GDPD5: variants seen among roughly 807,000 people sequenced by gnomAD.
GDPD5 encodes glycerophosphodiester phosphodiesterase 2.
In GDPD5, 48 loss-of-function variants were observed where a neutral mutation model predicts 75.1. The ratio of observed to expected loss-of-function variants is 0.64; its 90% CI spans 0.51 to 0.81. GDPD5 has a LOEUF of 0.81. Among genes scored for constraint, GDPD5 ranks in the 40% least tolerant of loss-of-function variants. The pLI is 0.00. For missense variants in GDPD5, 706 were observed against 822.6 expected (o/e 0.86, Z 1.73); for synonymous variants, 336 against 339.0 (o/e 0.99, Z 0.10).
At chr11:75,487,148 C>A (rs1415189752) in intron 2 of GDPD5, among the ~76,000 whole-genome samples, 1 of 152,242 alleles carries the variant, frequency 6.6e-6, no homozygotes, top group African/African-American at 2.4e-5. Flanking sequence ...GCCCCAGCCT[C>A]CTGCAGGTAG....
At chr11:75,479,364 G>A (rs1436489196) in intron 2 of GDPD5, 5 of 152,204 alleles carry the variant, frequency 3.3e-5, no homozygotes, top group Admixed American at 1.3e-4. Flanking sequence ...ACCAGGCCCT[G>A]TCCGAGGCCC....
intron 1 of GDPD5, among the ~76,000 whole-genome samples, chr11:75,510,681 G>A (rs1950497263): frequency 6.7e-6 from 1 of 148,318 alleles, no homozygotes; most frequent in Non-Finnish European, 1.5e-5. Context: ...TCTTCGCAGA[G>A]CCTCACTTAA....
At chr11:75,511,705 G>A (rs1254173136) in intron 1 of GDPD5, among the ~76,000 whole-genome samples, 1 of 152,152 alleles carries the variant, frequency 6.6e-6, no homozygotes, top group Admixed American at 6.5e-5. Context: ...GAGGCAAAAA[G>A]TCCAACCTCA....
intron 6 of GDPD5, among the ~76,000 whole-genome samples, chr11:75,454,443 G>A (rs1163268208): frequency 6.6e-6 from 1 of 152,204 alleles, no homozygotes; most frequent in African/African-American, 2.4e-5. Flanking sequence ...GAGGCCATTT[G>A]GCAAGATCAA....
At chr11:75,523,203 A>G (rs1170245857) in intron 1 of GDPD5, among the ~76,000 whole-genome samples, 1 of 152,218 alleles carries the variant, frequency 6.6e-6, no homozygotes, top group Admixed American at 6.5e-5. Flanking sequence ...TTATAGGCTC[A>G]GAGGGATGAA....
chr11:75,499,393 CCTTTT>C (rs1437526368), intron 1 of GDPD5, among the ~76,000 whole-genome samples: 57 of 140,084 alleles, frequency 4.1e-4, no homozygotes, highest in Admixed American at 4.9e-4. Context: ...TTCTTCTTTT[CCTTTT>C]TTTTTTTTTT....
intron 4 of GDPD5, among the ~76,000 whole-genome samples, chr11:75,458,885 C>G (rs1317471792): frequency 6.6e-6 from 1 of 152,000 alleles, no homozygotes; most frequent in Non-Finnish European, 1.5e-5. Flanking sequence ...TGGGCTCAAG[C>G]AATCCTCCTA....
At chr11:75,494,819 G>C (rs1950181227) in intron 1 of GDPD5, among the ~76,000 whole-genome samples, 1 of 151,900 alleles carries the variant, frequency 6.6e-6, no homozygotes, top group Non-Finnish European at 1.5e-5. Flanking sequence ...GGGCGTGGTG[G>C]CATGCGCCTG....
intron 1 of GDPD5, chr11:75,506,824 A>G: frequency 6.6e-6 from 1 of 152,140 alleles, no homozygotes; most frequent in Non-Finnish European, 1.5e-5. Context: ...AAGATTTGGG[A>G]ACTGAAAGAG....
chr11:75,451,633 T>A (rs1949156257), intron 6 of GDPD5: 1 of 152,222 alleles, frequency 6.6e-6, no homozygotes, highest in Non-Finnish European at 1.5e-5. Context: ...TTCTCCCGGC[T>A]GCCCCCGGCG....
At chr11:75,506,155 A>C (rs1950393185) in intron 1 of GDPD5, among the ~76,000 whole-genome samples, 1 of 152,202 alleles carries the variant, frequency 6.6e-6, no homozygotes, top group Admixed American at 6.5e-5. Context: ...TAGGCACTCA[A>C]TAAAAGGTTG....
intron 1 of GDPD5, among the ~76,000 whole-genome samples, chr11:75,500,246 C>A (rs1303870549): frequency 6.6e-6 from 1 of 152,072 alleles, no homozygotes; most frequent in Non-Finnish European, 1.5e-5. Context: ...GGGGCTCATG[C>A]AGTTCATCCC....
intron 14 of GDPD5, among the ~76,000 whole-genome samples, chr11:75,440,565 TTTTTTA>T (rs1948764751): frequency 6.6e-6 from 1 of 152,162 alleles, no homozygotes; most frequent in East Asian, 1.9e-4. Flanking sequence ...TTTCCTATTC[TTTTTTA>T]TTTTTATTTT....
intron 1 of GDPD5, among the ~76,000 whole-genome samples, chr11:75,521,303 A>G (rs576210023): frequency 6.6e-6 from 1 of 152,180 alleles, no homozygotes; most frequent in African/African-American, 2.4e-5. Flanking sequence ...TTTTACACAC[A>G]AAGTATGCTT....
chr11:75,466,196 AGCTGGGGT>A (rs1269075349), intron 3 of GDPD5, among the ~76,000 whole-genome samples: 1 of 152,154 alleles, frequency 6.6e-6, no homozygotes, highest in Non-Finnish European at 1.5e-5. Flanking sequence ...CTAGTGCATG[AGCTGGGGT>A]TGGGGCAACC....
intron 1 of GDPD5, among the ~76,000 whole-genome samples, chr11:75,499,697 AC>A (rs527772439): frequency 6.7e-4 from 102 of 152,226 alleles, no homozygotes; most frequent in African/African-American, 2.3e-3. Context: ...CTTAGGCTAG[AC>A]CCAAAGGAAG....
rs376507029 is a variant in GDPD5 at position 75,439,959 on chromosome 11, G to A, written c.1476C>T (p.Pro492=). 3.1e-6 allele frequency: 5 copies of A among 1,612,982 alleles called. No individual in the cohort carries two copies. In the Admixed American group the frequency reaches 8.3e-5, roughly 27 times the overall value. The part of the protein sequence containing the change: ...SQVPSPLWIM[P]PDEYCLMWVT... ...CCCACATGAGACAGTACTCGTCCGG[G>A]GGCTGTGGACAGACGGCCCGAGGCC... is the stretch of plus-strand genomic sequence containing the variant. Residue 492 remains proline, a splice_region_variant and synonymous_variant, in exon 15 of 17, where the codon CCC becomes CCT. Coordinates refer to ENST00000336898, the MANE Select transcript of GDPD5 (RefSeq NM_030792.8).
rs1303903855 is a variant in GDPD5, at chr11:75,511,372, C to T, written c.-145+13838G>A. Reference sequence around the variant, plus strand: ...GTGTGTCCAGACCCTGCTCTTTGACCAAGGAGTTGCATGTTCAAATAAGCT... The same window carrying T: ...GTGTGTCCAGACCCTGCTCTTTGACTAAGGAGTTGCATGTTCAAATAAGCT... On this transcript the variant is annotated intron_variant, in intron 1 of 16. Coordinates refer to ENST00000336898, the MANE Select transcript of GDPD5 (RefSeq NM_030792.8). Among the ~76,000 whole-genome samples the T allele has an allele frequency of 3.9e-5, 6 of 152,252 alleles. No individual in the cohort carries two copies. The South Asian group carries it at 1.2e-3, about 32-fold the overall frequency.
At chr11:75,469,853 C>T (rs955065721) in intron 3 of GDPD5, among the ~76,000 whole-genome samples, 6 of 152,216 alleles carry the variant, frequency 3.9e-5, no homozygotes, top group African/African-American at 9.6e-5. Context: ...CCCTGCCTCA[C>T]ACCCCGTACC....
Sources: allele counts gnomAD v4.1 joint callset (sites outside exome capture counted in the v4.1 genomes callset), GRCh38; gene constraint gnomAD v4.1.1; transcripts MANE v1.5; gene names NCBI Gene and HGNC (gene_info 2026-07-23, HGNC 2026-07-21).